UST: variants seen among roughly 807,000 people sequenced by gnomAD.
UST encodes chondroitin sulfate 2-O-sulfotransferase.
Under a neutral mutation model 45.6 loss-of-function variants are expected in UST, and 21 were observed. The ratio of observed to expected loss-of-function variants is 0.46; its 90% CI spans 0.33 to 0.66. UST has a LOEUF of 0.66. Among genes scored for constraint, UST ranks in the 30% least tolerant of loss-of-function variants. The probability of loss-of-function intolerance (pLI) is 0.02; values close to 1 mark genes in which losing one functional copy is unlikely to be tolerated. For synonymous variants in UST, 215 were observed against 200.6 expected, an observed-to-expected ratio of 1.07 and a Z score of -0.61; for missense variants, 463 against 512.4, an observed-to-expected ratio of 0.90 and a Z score of 0.93.
intron 7 of UST, among the ~76,000 whole-genome samples, chr6:149,040,379 C>T (rs1029152232): frequency 2.6e-5 from 4 of 151,944 alleles, no homozygotes; most frequent in Non-Finnish European, 4.4e-5. Context: ...AATTGTAGGC[C>T]GGGCGCAGTG....
intron 7 of UST, among the ~76,000 whole-genome samples, chr6:149,033,972 C>T (rs1261581141): frequency 2.6e-5 from 4 of 152,128 alleles, no homozygotes; most frequent in East Asian, 1.9e-4. Context: ...ATAATCACCG[C>T]GCTATCTGTA....
intron 1 of UST, among the ~76,000 whole-genome samples, chr6:148,785,722 A>G (rs1776722418): frequency 6.6e-6 from 1 of 152,234 alleles, no homozygotes; most frequent in African/African-American, 2.4e-5. Flanking sequence ...ATTTCTATAT[A>G]TTTTGTGGGC....
At chr6:148,779,740 A>G (rs537016131) in intron 1 of UST, among the ~76,000 whole-genome samples, 25 of 152,356 alleles carry the variant, frequency 1.6e-4, no homozygotes, top group African/African-American at 6.0e-4. Flanking sequence ...AAATAAGTTT[A>G]CAGAATAGTG....
chr6:149,051,624 G>A (rs959370697), intron 7 of UST, among the ~76,000 whole-genome samples: 14 of 152,228 alleles, frequency 9.2e-5, no homozygotes, highest in African/African-American at 3.4e-4. Context: ...AAATTGAGCA[G>A]AGGATTGAAT....
chr6:148,990,518 T>C (rs1216427864), intron 5 of UST: 1 of 513,106 alleles, frequency 1.9e-6, no homozygotes, highest in African/African-American at 2.1e-5. Flanking sequence ...ATCCCAGATA[T>C]TCAGACGTTC....
intron 7 of UST, among the ~76,000 whole-genome samples, chr6:149,039,304 G>T (rs1185191833): frequency 1.3e-5 from 2 of 152,070 alleles, no homozygotes; most frequent in Non-Finnish European, 1.5e-5. Context: ...TTGACTCACC[G>T]CAACCTTCGC....
chr6:148,984,596 A>G (rs945111402), intron 5 of UST, among the ~76,000 whole-genome samples: 5 of 152,210 alleles, frequency 3.3e-5, no homozygotes, highest in African/African-American at 1.2e-4. Context: ...GTGCAGTGGC[A>G]CAATCATAGC....
At chr6:148,985,657 A>T (rs889771636) in intron 5 of UST, among the ~76,000 whole-genome samples, 1 of 152,186 alleles carries the variant, frequency 6.6e-6, no homozygotes, top group Non-Finnish European at 1.5e-5. Context: ...AAATGAAGAT[A>T]GTGGTGGGGA....
chr6:149,042,955 T>TTTTTCTTTCTTTC (rs1554237056), intron 7 of UST, among the ~76,000 whole-genome samples: 3 of 109,076 alleles, frequency 2.8e-5, no homozygotes, highest in Non-Finnish European at 5.9e-5. Flanking sequence ...ATCACCATCC[T>TTTTTCTTTCTTTC]TTTCTTTCTT....
At chr6:148,811,102 C>T (rs1777249587) in intron 1 of UST, among the ~76,000 whole-genome samples, 1 of 152,130 alleles carries the variant, frequency 6.6e-6, no homozygotes, top group Non-Finnish European at 1.5e-5. Context: ...CCACCAAAGC[C>T]CACTGGCATA....
At chr6:148,894,782 A>G (rs1269279008) in intron 2 of UST, among the ~76,000 whole-genome samples, 1 of 136,248 alleles carries the variant, frequency 7.3e-6, no homozygotes, top group African/African-American at 2.8e-5. Context: ...CATTGAAACC[A>G]TTTTTAGAAG....
intron 1 of UST, among the ~76,000 whole-genome samples, chr6:148,813,225 A>G (rs1777292479): frequency 6.6e-6 from 1 of 152,146 alleles, no homozygotes; most frequent in South Asian, 2.1e-4. Context: ...TCAGTTGGCT[A>G]TGGTTTGGGA....
At chr6:149,005,514 A>G (rs1296340556) in intron 5 of UST, 10 of 985,286 alleles carry the variant, frequency 1.0e-5, no homozygotes, top group Non-Finnish European at 1.1e-5. Flanking sequence ...AATGAGATAG[A>G]ATTAGTAAAG....
At chr6:148,771,692 T>C (rs886887146) in intron 1 of UST, among the ~76,000 whole-genome samples, 2 of 152,222 alleles carry the variant, frequency 1.3e-5, no homozygotes, top group African/African-American at 4.8e-5. Context: ...AGGTGCTCCA[T>C]GCCCCAACTG....
At chr6:149,022,006 A>C (rs940594119) in intron 7 of UST, among the ~76,000 whole-genome samples, 1 of 152,236 alleles carries the variant, frequency 6.6e-6, no homozygotes, top group Admixed American at 6.5e-5. Flanking sequence ...TGAAAATACA[A>C]TTATGATTTT....
chr6:148,752,469 G>A (rs927615077), intron 1 of UST, among the ~76,000 whole-genome samples: 3 of 152,196 alleles, frequency 2.0e-5, no homozygotes, highest in Admixed American at 1.3e-4. Context: ...CACTATATTA[G>A]AGAAAGGATA....
intron 1 of UST, among the ~76,000 whole-genome samples, chr6:148,769,348 T>A (rs1340583711): frequency 1.3e-5 from 2 of 152,192 alleles, no homozygotes; most frequent in African/African-American, 4.8e-5. Context: ...CCAGTAGAGG[T>A]ATATTTTCTG....
intron 7 of UST, among the ~76,000 whole-genome samples, chr6:149,071,553 A>G (rs768064561): frequency 4.6e-5 from 7 of 152,184 alleles, no homozygotes; most frequent in Non-Finnish European, 1.0e-4. Context: ...CTATATGTCA[A>G]CCTTGGATTT....
chr6:148,990,127 G>A (rs1374402200), intron 5 of UST, among the ~76,000 whole-genome samples: 3 of 152,116 alleles, frequency 2.0e-5, no homozygotes, highest in Admixed American at 1.3e-4. Flanking sequence ...CCAGGCTTTC[G>A]TATAAAAGTT....
Sources: allele counts gnomAD v4.1 joint callset (sites outside exome capture counted in the v4.1 genomes callset), GRCh38; gene constraint gnomAD v4.1.1; transcripts MANE v1.5; gene names NCBI Gene and HGNC (gene_info 2026-07-23, HGNC 2026-07-21).